Variants in RPH3A observed in about 807,000 individuals in gnomAD.
The protein encoded by RPH3A is rabphilin-3A.
A neutral mutation model predicts 102.2 loss-of-function variants in RPH3A; 48 were observed. The ratio of observed to expected loss-of-function variants is 0.47; its 90% CI spans 0.37 to 0.60. The LOEUF is 0.60. RPH3A is among the 20% of genes least tolerant of loss of function. RPH3A has a pLI of 0.00. For synonymous variants in RPH3A, 310 were observed against 324.3 expected, an observed-to-expected ratio of 0.96 and a Z score of 0.47; for missense variants, 781 against 910.1, an observed-to-expected ratio of 0.86 and a Z score of 1.83.
At chr12:112,758,209 T>A (rs1450313108) in intron 1 of RPH3A, among the ~76,000 whole-genome samples, 2 of 152,150 alleles carry the variant, frequency 1.3e-5, no homozygotes, top group Non-Finnish European at 2.9e-5. Flanking sequence ...TCTAAATGGG[T>A]GGTTCAAAGA....
chr12:112,634,112 G>T (rs1203979967), intron 1 of RPH3A, among the ~76,000 whole-genome samples: 1 of 152,102 alleles, frequency 6.6e-6, no homozygotes, highest in Non-Finnish European at 1.5e-5. Flanking sequence ...ACTTTGGGAG[G>T]CCAAGGTAGG....
At chr12:112,746,781 G>A (rs904144235) in intron 1 of RPH3A, among the ~76,000 whole-genome samples, 2 of 151,984 alleles carry the variant, frequency 1.3e-5, no homozygotes, top group African/African-American at 4.8e-5. Context: ...TCTCTGCCTC[G>A]TGCTCTCTGT....
chr12:112,757,439 T>G (rs2040828987), intron 1 of RPH3A, among the ~76,000 whole-genome samples: 1 of 152,154 alleles, frequency 6.6e-6, no homozygotes, highest in African/African-American at 2.4e-5. Context: ...TATTATATAT[T>G]CTCAAATAAC....
intron 1 of RPH3A, among the ~76,000 whole-genome samples, chr12:112,718,238 G>A (rs2040526936): frequency 1.3e-5 from 2 of 152,192 alleles, no homozygotes; most frequent in South Asian, 4.1e-4. Context: ...AGTATATGTT[G>A]ACCTATTCAA....
intron 1 of RPH3A, among the ~76,000 whole-genome samples, chr12:112,650,138 G>A (rs1447828763): frequency 1.3e-5 from 2 of 152,180 alleles, no homozygotes; most frequent in Non-Finnish European, 2.9e-5. Context: ...TAGAACAAAT[G>A]AATGAATGAA....
intron 1 of RPH3A, among the ~76,000 whole-genome samples, chr12:112,692,204 G>T (rs887765491): frequency 1.3e-5 from 2 of 152,114 alleles, no homozygotes; most frequent in Non-Finnish European, 2.9e-5. Context: ...GGAGAGATTT[G>T]TTAAAGAATA....
Position 112,621,362 on chromosome 12 carries a change from G to C in RPH3A, c.-140+46043G>C, listed in dbSNP as rs1286102486. 9.4e-5 allele frequency among the ~76,000 whole-genome samples: 14 copies of C among 149,290 alleles called. No individual in the cohort carries two copies. The East Asian group carries it at 1.2e-3, about 13-fold the overall frequency. On this transcript the variant is annotated intron_variant, in intron 1 of 21. Transcript: ENST00000543106. ...GCCAGTGGGTGCGCGCACCGTGCGC[G>C]AGCCGAAGCAGGGCGAGGCATTGCC...
chr12:112,840,679 A>G (rs1002281459), intron 4 of RPH3A, among the ~76,000 whole-genome samples: 65 of 152,224 alleles, frequency 4.3e-4, no homozygotes, highest in African/African-American at 1.5e-3. Flanking sequence ...ACCAGTACCC[A>G]GATGGGGTTT....
chr12:112,614,786 T>C (rs573025458), intron 1 of RPH3A, among the ~76,000 whole-genome samples: 68 of 150,934 alleles, frequency 4.5e-4, no homozygotes, highest in Middle Eastern at 6.9e-3. Flanking sequence ...CTACTACTAG[T>C]ACTATTATTA....
chr12:112,743,879 T>C (rs1300607906), intron 1 of RPH3A, among the ~76,000 whole-genome samples: 1 of 152,128 alleles, frequency 6.6e-6, no homozygotes, highest in South Asian at 2.1e-4. Context: ...AAGATTTTCT[T>C]CTGATTTGCC....
chr12:112,685,153 T>C (rs111961072), intron 1 of RPH3A, among the ~76,000 whole-genome samples: 2,355 of 152,198 alleles, frequency 0.015, 32 homozygotes, highest in Middle Eastern at 0.041. Flanking sequence ...CCCAGGCTGG[T>C]CTCAAACTCC....
chr12:112,648,744 CAA>C (rs1197742131), intron 1 of RPH3A, among the ~76,000 whole-genome samples: 26 of 59,074 alleles, frequency 4.4e-4, no homozygotes, highest in Admixed American at 2.2e-3. Context: ...GACACGGTCT[CAA>C]AAAAAAAAAA....
At chr12:112,663,117 A>G (rs1189642782) in intron 1 of RPH3A, among the ~76,000 whole-genome samples, 1 of 151,604 alleles carries the variant, frequency 6.6e-6, no homozygotes, top group Non-Finnish European at 1.5e-5. Context: ...CGAGAGAGAG[A>G]GAGAGAAAGA....
chr12:112,629,438 A>G (rs1201584822), intron 1 of RPH3A, among the ~76,000 whole-genome samples: 1 of 113,094 alleles, frequency 8.8e-6, no homozygotes, highest in Non-Finnish European at 1.9e-5. Context: ...TAACTATATT[A>G]TGACACAATA....
At chr12:112,733,959 T>G (rs1313161401) in intron 1 of RPH3A, among the ~76,000 whole-genome samples, 2 of 152,220 alleles carry the variant, frequency 1.3e-5, no homozygotes, top group African/African-American at 4.8e-5. Context: ...TGAATGTTTA[T>G]TAAGTGCCAA....
intron 1 of RPH3A, among the ~76,000 whole-genome samples, chr12:112,760,778 G>A (rs2040849661): frequency 6.6e-6 from 1 of 152,330 alleles, no homozygotes; most frequent in East Asian, 1.9e-4. Flanking sequence ...GGGGACATCA[G>A]TCTCCATTCT....
intron 2 of RPH3A, among the ~76,000 whole-genome samples, chr12:112,818,037 G>A (rs2041707911): frequency 6.6e-6 from 1 of 152,172 alleles, no homozygotes; most frequent in East Asian, 1.9e-4. Flanking sequence ...AAAAGGCCGG[G>A]CATGGTGGCT....
At chr12:112,617,248 TCCTGCTGGTC>T (rs1230523140) in intron 1 of RPH3A, among the ~76,000 whole-genome samples, 3 of 152,140 alleles carry the variant, frequency 2.0e-5, no homozygotes, top group Non-Finnish European at 4.4e-5. Context: ...GAGTGAGCAT[TCCTGCTGGTC>T]CCTGCATGTA....
intron 1 of RPH3A, among the ~76,000 whole-genome samples, chr12:112,761,307 C>T (rs575501029): frequency 4.1e-4 from 63 of 152,264 alleles, no homozygotes; most frequent in Admixed American, 2.1e-3. Context: ...TGTGTGCATG[C>T]GTCTGTGTGT....
Sources: allele counts gnomAD v4.1 joint callset (sites outside exome capture counted in the v4.1 genomes callset), GRCh38; gene constraint gnomAD v4.1.1; transcripts MANE v1.5; gene names NCBI Gene and HGNC (gene_info 2026-07-23, HGNC 2026-07-21).